Variants in WNT10A observed in about 807,000 individuals in gnomAD.
The protein encoded by WNT10A is Wnt family member 10A.
A neutral mutation model predicts 36.1 loss-of-function variants in WNT10A; 37 were observed. That is an observed-to-expected ratio of 1.02 (90% CI 0.79 to 1.35). The LOEUF (loss-of-function observed/expected upper bound fraction) is 1.35, where lower values mean the gene tolerates loss of function less well. WNT10A is among the 40% of genes most tolerant of loss of function. The probability of loss-of-function intolerance (pLI) is 0.00; values close to 1 mark genes in which losing one functional copy is unlikely to be tolerated. For missense variants in WNT10A, 613 were observed against 601.4 expected (o/e 1.02, Z -0.20); for synonymous variants, 255 against 254.1 (o/e 1.00, Z -0.03).
At chr2:218,876,850 T>A (rs969291487), upstream of WNT10A, among the ~76,000 whole-genome samples, 19 of 151,626 alleles carry the variant, frequency 1.3e-4, no homozygotes, top group African/African-American at 4.4e-4. Context: ...AGACAGGACC[T>A]GCAGGACATC....
chr2:218,892,146 A>G (rs1169048226), intron 3 of WNT10A, among the ~76,000 whole-genome samples: 1 of 152,000 alleles, frequency 6.6e-6, no homozygotes, highest in African/African-American at 2.4e-5. Context: ...CATAGTGCAG[A>G]ATGAGCCCCA....
At chr2:218,875,354 A>G in the WNT10A span, among the ~76,000 whole-genome samples, 2 of 150,688 alleles carry the variant, frequency 1.3e-5, no homozygotes, top group Non-Finnish European at 3.0e-5. Context: ...ACACTTGGAT[A>G]CGTTTTTTTG....
rs760413231 is a variant in WNT10A at position 218,882,200 on chromosome 2, G to A, written c.153G>A (p.Pro51=). The A allele has an allele frequency of 2.9e-5, 47 of 1,613,966 alleles. No individual in the cohort carries two copies. The East Asian group carries it at 4.7e-4, about 16-fold the overall frequency. ...ACATTCTGGACCTCCGCCTCCCCCCGGAGCCCGTGCTCAATGCCAACACAG... is the reference window on the plus strand; with the variant it reads ...ACATTCTGGACCTCCGCCTCCCCCCAGAGCCCGTGCTCAATGCCAACACAG... ...PNDILDLRLP[P]EPVLNANTVC... is the part of the protein sequence containing the mutation. The change falls in exon 2 of 4, where the codon CCG becomes CCA. Residue 51 remains proline (P), a synonymous_variant. Transcript: ENST00000258411.
upstream of WNT10A, among the ~76,000 whole-genome samples, chr2:218,879,415 C>G (rs1944484000): frequency 6.6e-6 from 1 of 152,222 alleles, no homozygotes; most frequent in Admixed American, 6.5e-5. Context: ...GGGCACAGGG[C>G]AGGAGCACGA....
At chr2:218,888,073 T>G (rs1944598484) in intron 2 of WNT10A, among the ~76,000 whole-genome samples, 1 of 152,190 alleles carries the variant, frequency 6.6e-6, no homozygotes. Flanking sequence ...TTGTTGGTTG[T>G]TTTTGGTTTT....
At chr2:218,885,254 G>A (rs1261939896) in intron 2 of WNT10A, among the ~76,000 whole-genome samples, 1 of 152,244 alleles carries the variant, frequency 6.6e-6, no homozygotes, top group Admixed American at 6.5e-5. Flanking sequence ...GCCCATGCTA[G>A]CTGCTTCACC....
chr2:218,886,949 C>T (rs930432280), intron 2 of WNT10A, among the ~76,000 whole-genome samples: 3 of 152,082 alleles, frequency 2.0e-5, no homozygotes, highest in Non-Finnish European at 2.9e-5. Flanking sequence ...TGTTCTCTGC[C>T]GCGGTGGGGT....
intron 2 of WNT10A, among the ~76,000 whole-genome samples, 191 bp downstream of exon 2, chr2:218,882,614 G>C (rs1944532019): frequency 6.6e-6 from 1 of 152,186 alleles, no homozygotes; most frequent in Admixed American, 6.5e-5. Flanking sequence ...GGGCAAATGT[G>C]TCTCCAGACT....
chr2:218,881,594 C>A (rs1293314428), intron 1 of WNT10A, among the ~76,000 whole-genome samples: 2 of 151,770 alleles, frequency 1.3e-5, no homozygotes, highest in African/African-American at 4.9e-5. Context: ...AGGATCCCAG[C>A]AAACTGTGTT....
intron 2 of WNT10A, among the ~76,000 whole-genome samples, 185 bp from the exon 3 acceptor site, chr2:218,889,799 A>G (rs968352560): frequency 1.3e-5 from 2 of 152,188 alleles, no homozygotes; most frequent in African/African-American, 4.8e-5. Flanking sequence ...CCACCCCACC[A>G]GGTTCTGTTT....
chr2:218,885,420 C>T (rs1423825913), intron 2 of WNT10A, among the ~76,000 whole-genome samples: 1 of 152,174 alleles, frequency 6.6e-6, no homozygotes, highest in Non-Finnish European at 1.5e-5. Flanking sequence ...CCCCTTCTCT[C>T]ACTGTGGACA....
chr2:218,890,198 C>T lies in WNT10A; in HGVS notation c.591C>T (p.Ala197=), dbSNP rs367808568. 598 of 1,614,090 alleles carry T rather than the reference C, an allele frequency of 3.7e-4. 1 individual carries two copies. Among genetic ancestry groups the T allele is most frequent in the Non-Finnish European group, 8.1e-5 (95 of 1,180,012 alleles). The part of the protein sequence containing the change: ...GLSHGVPEHP[A]LPTASPGLQD... ...GCCATGGGGTCCCGGAACACCCAGC[C>T]CTGCCCACAGCCAGCCCAGGCCTGC... The change falls in exon 3 of 4, where the codon GCC becomes GCT. Residue 197 remains alanine (A), a synonymous_variant. Coordinates refer to ENST00000258411, the MANE Select transcript of WNT10A (RefSeq NM_025216.3).
At chr2:218,881,570 T>TG (rs1205089452) in intron 1 of WNT10A, among the ~76,000 whole-genome samples, 1,459 of 139,342 alleles carry the variant, frequency 0.01, 18 homozygotes, top group African/African-American at 0.034. Flanking sequence ...GTGTGTGTGT[T>TG]TTCAATCGAG....
intron 3 of WNT10A, among the ~76,000 whole-genome samples, chr2:218,892,304 CA>C (rs1559415736): frequency 0.32 from 157 of 484 alleles, 2 homozygotes; most frequent in Non-Finnish European, 0.06. Flanking sequence ...CCCACCCCAC[CA>C]CACACACACA....
chr2:218,889,536 C>G (rs1246958152), intron 2 of WNT10A, among the ~76,000 whole-genome samples: 1 of 152,230 alleles, frequency 6.6e-6, no homozygotes, highest in Non-Finnish European at 1.5e-5. Flanking sequence ...TTTACATTCC[C>G]ACCAGCAACA....
In WNT10A at chr2:218,892,797, G is replaced by T; in HGVS notation, c.780G>T (p.Arg260=). The T allele has an allele frequency of 6.3e-7, 1 of 1,596,376 alleles. No homozygotes were observed. The highest frequency in any genetic ancestry group is 1.7e-5 in the Admixed American group (1 of 58,428). Residue 260 remains arginine, a synonymous_variant, in exon 4 of 4, where the codon CGG becomes CGT. Coordinates refer to ENST00000258411, the MANE Select transcript of WNT10A (RefSeq NM_025216.3). ...AGGCAGTGATGGAGAACATGCGGCG[G>T]AAGTGCAAGTGCCACGGCACGTCAG... is the stretch of plus-strand genomic sequence containing the variant. The part of the protein sequence containing the change: ...GRQAVMENMR[R]KCKCHGTSGS...
chr2:218,891,035 G>C (rs1195402838), intron 3 of WNT10A, among the ~76,000 whole-genome samples: 1 of 152,222 alleles, frequency 6.6e-6, no homozygotes, highest in Admixed American at 6.5e-5. Context: ...CTTACTATGT[G>C]TTAGGCACTG....
chr2:218,881,104 C>A lies in WNT10A; in HGVS notation c.109C>A (p.Pro37Thr), dbSNP rs776565022. 7.5e-6 allele frequency: 12 copies of A among 1,592,846 alleles called. No homozygotes were observed. In the South Asian group the frequency reaches 1.4e-4, roughly 18 times the overall value. Residue 37 changes from proline to threonine, a missense_variant, in exon 1 of 4, where the codon CCC becomes ACC. Transcript: ENST00000258411. ...CCTACTGCTGCTGGCTGCTGCCATGCCCAGGTGAGCCCTCACCTCATGCTC... is the reference window on the plus strand; with the variant it reads ...CCTACTGCTGCTGGCTGCTGCCATGACCAGGTGAGCCCTCACCTCATGCTC... ...FFLLLLAAAM[P>T]RSAPNDILDL... is the part of the protein sequence containing the mutation.
At chr2:218,889,597 T>A (rs1944621472) in intron 2 of WNT10A, among the ~76,000 whole-genome samples, 1 of 152,264 alleles carries the variant, frequency 6.6e-6, no homozygotes, top group Non-Finnish European at 1.5e-5. Flanking sequence ...TCTGTGGGCT[T>A]ATTTTAAAAT....
Sources: allele counts gnomAD v4.1 joint callset (sites outside exome capture counted in the v4.1 genomes callset), GRCh38; gene constraint gnomAD v4.1.1; transcripts MANE v1.5; gene names NCBI Gene and HGNC (gene_info 2026-07-23, HGNC 2026-07-21).